The following ALMS1 variants were observed in gnomAD, a reference collection of about 807,000 sequenced individuals.
The protein encoded by ALMS1 is ALMS1 centrosome and basal body associated protein.
Under a neutral mutation model 352.2 loss-of-function variants are expected in ALMS1, and 271 were observed. That is an observed-to-expected ratio of 0.77 (90% CI 0.70 to 0.85). The LOEUF (loss-of-function observed/expected upper bound fraction) is 0.85, where lower values mean the gene tolerates loss of function less well. ALMS1 is among the 40% of genes least tolerant of loss of function. The probability of loss-of-function intolerance (pLI) is 0.00; values close to 1 mark genes in which losing one functional copy is unlikely to be tolerated. For missense variants in ALMS1, 5,445 were observed against 4,870.7 expected, an observed-to-expected ratio of 1.12 and a Z score of -3.51; for synonymous variants, 1,865 against 1,761.2, an observed-to-expected ratio of 1.06 and a Z score of -1.48.
chr2:73,446,720 C>A (rs1460774321), intron 7 of ALMS1, among the ~76,000 whole-genome samples: 1 of 152,012 alleles, frequency 6.6e-6, no homozygotes, highest in African/African-American at 2.4e-5. Flanking sequence ...CACTTACCCA[C>A]CTACAATTCT....
chr2:73,424,361 G>A, intron 4 of ALMS1, 69 bp from the exon 5 acceptor site: 1 of 1,001,216 alleles, frequency 1.0e-6, no homozygotes, highest in Non-Finnish European at 1.4e-6. Flanking sequence ...ATGTATTTTT[G>A]TGTTAGTACT....
intron 16 of ALMS1, among the ~76,000 whole-genome samples, chr2:73,598,983 T>A (rs192600523): frequency 6.6e-6 from 1 of 152,256 alleles, no homozygotes; most frequent in African/African-American, 2.4e-5. Context: ...TTAGTATACG[T>A]GTTTGAGTCA....
chr2:73,389,203 A>AT (rs1670594432), intron 1 of ALMS1, among the ~76,000 whole-genome samples: 1 of 151,974 alleles, frequency 6.6e-6, no homozygotes, highest in Non-Finnish European at 1.5e-5. Flanking sequence ...GATGTTGAGC[A>AT]TTTTTTCATG....
At chr2:73,434,906 C>G (rs113673678) in intron 7 of ALMS1, among the ~76,000 whole-genome samples, 2 of 152,284 alleles carry the variant, frequency 1.3e-5, no homozygotes, top group Non-Finnish European at 2.9e-5. Context: ...CAGCGACTCT[C>G]GTGCCTCAGC....
At chr2:73,513,977 G>A (rs1334272868) in intron 10 of ALMS1, among the ~76,000 whole-genome samples, 1 of 152,186 alleles carries the variant, frequency 6.6e-6, no homozygotes, top group East Asian at 1.9e-4. Context: ...AGATTGTATT[G>A]TTTGGGATGG....
At chr2:73,596,886 T>C (rs1023405394) in intron 16 of ALMS1, among the ~76,000 whole-genome samples, 1 of 150,498 alleles carries the variant, frequency 6.6e-6, no homozygotes, top group East Asian at 1.9e-4. Context: ...TTTCTTTTTT[T>C]TTTTTCAGTA....
intron 2 of ALMS1, among the ~76,000 whole-genome samples, chr2:73,414,545 A>G (rs1483484110): frequency 9.8e-6 from 1 of 102,450 alleles, no homozygotes; most frequent in African/African-American, 3.8e-5. Context: ...TACTTGATCT[A>G]CTTTGTGTTC....
chr2:73,520,544 C>T (rs905516439), intron 11 of ALMS1, among the ~76,000 whole-genome samples: 2 of 152,068 alleles, frequency 1.3e-5, no homozygotes, highest in African/African-American at 4.8e-5. Context: ...ATATATAACC[C>T]AAGGTTATGT....
intron 7 of ALMS1, among the ~76,000 whole-genome samples, chr2:73,432,609 G>A (rs539143491): frequency 6.6e-6 from 1 of 152,122 alleles, no homozygotes; most frequent in Admixed American, 6.5e-5. Context: ...CCCTCCCATG[G>A]TGGAAGGGGC....
chr2:73,469,212 TTTAC>T (rs1672419088), intron 9 of ALMS1, among the ~76,000 whole-genome samples: 1 of 151,788 alleles, frequency 6.6e-6, no homozygotes, highest in South Asian at 2.1e-4. Flanking sequence ...TGAAGTAAAC[TTTAC>T]TTATACTCTA....
At chr2:73,385,816 C>A (rs868088238), upstream of ALMS1, 1 of 681,728 alleles carries the variant, frequency 1.5e-6, no homozygotes, top group Non-Finnish European at 2.6e-6. Context: ...TCTCCCCTTC[C>A]CCTCCCTCCC....
chr2:73,462,287 G>C (rs912164260), intron 9 of ALMS1, among the ~76,000 whole-genome samples: 41 of 151,364 alleles, frequency 2.7e-4, no homozygotes, highest in Non-Finnish European at 4.2e-4. Flanking sequence ...CCAGAAGAGA[G>C]TGGGGGCCAA....
At position 73,453,043 on chromosome 2, in the gene ALMS1, T is replaced by G; in HGVS notation, c.6516T>G (p.Leu2172=). Residue 2172 remains leucine, a synonymous_variant, in exon 8 of 23, where the codon CTT becomes CTG. Coordinates refer to ENST00000613296, the MANE Select transcript of ALMS1 (RefSeq NM_001378454.1). ...ATGCTCTAAAGATCTCAAGTGCTCT[T>G]GGGCAAGCTGATCAAATTACCGGAT... ...TEDALKISSA[L]GQADQITGLQ... is the part of the protein sequence containing the mutation. The G allele has an allele frequency of 6.2e-7, 1 of 1,613,826 alleles. No individual in the cohort carries two copies. The highest frequency in any genetic ancestry group is 8.5e-7 in the Non-Finnish European group (1 of 1,179,990).
At position 73,408,684 on chromosome 2, in the gene ALMS1, A is replaced by C. The variant is rs746391155; in HGVS notation, c.387A>C (p.Gln129His). The change falls in exon 2 of 23, where the codon CAA becomes CAC. Residue 129 changes from glutamine (Q) to histidine (H), a missense_variant. Transcript: ENST00000613296. Reference sequence around the variant, plus strand: ...TATATCAAGGCAATAGTAGAACACAAATTTCTGATACTAATGTGGTCTGTT... The same window carrying C: ...TATATCAAGGCAATAGTAGAACACACATTTCTGATACTAATGTGGTCTGTT... ...QIVYQGNSRT[Q>H]ISDTNVVCLE... The C allele has an allele frequency of 2.5e-6, 4 of 1,613,730 alleles. No homozygotes were observed. The highest frequency in any genetic ancestry group is 2.5e-6 in the Non-Finnish European group (3 of 1,179,810).
At chr2:73,586,354 T>A (rs116478236) in intron 16 of ALMS1, among the ~76,000 whole-genome samples, 3,380 of 152,316 alleles carry the variant, frequency 0.022, 58 homozygotes, top group Non-Finnish European at 0.034. Context: ...TCCAGTGTTA[T>A]CTTACAGAAT....
At chr2:73,541,509 A>G (rs1213319191) in intron 12 of ALMS1, among the ~76,000 whole-genome samples, 2 of 152,236 alleles carry the variant, frequency 1.3e-5, no homozygotes, top group African/African-American at 2.4e-5. Flanking sequence ...AGAAGGCAAG[A>G]AATAACTAAG....
At chr2:73,597,083 T>C (rs1158965981) in intron 16 of ALMS1, among the ~76,000 whole-genome samples, 1 of 152,080 alleles carries the variant, frequency 6.6e-6, no homozygotes, top group African/African-American at 2.4e-5. Flanking sequence ...ACCATTTATA[T>C]TGACTTCTGA....
chr2:73,597,501 A>G (rs1430935860), intron 16 of ALMS1, among the ~76,000 whole-genome samples: 1 of 152,192 alleles, frequency 6.6e-6, no homozygotes, highest in African/African-American at 2.4e-5. Context: ...TTATAGCTGC[A>G]GAGAAGGTAT....
At chr2:73,457,092 T>C (rs751097583) in intron 9 of ALMS1, 1 of 152,146 alleles carries the variant, frequency 6.6e-6, no homozygotes, top group African/African-American at 2.4e-5. Flanking sequence ...CACAGCATAA[T>C]TGGGCATTAA....
Sources: allele counts gnomAD v4.1 joint callset (sites outside exome capture counted in the v4.1 genomes callset), GRCh38; gene constraint gnomAD v4.1.1; transcripts MANE v1.5; gene names NCBI Gene and HGNC (gene_info 2026-07-23, HGNC 2026-07-21).